SLIT3: variants seen among roughly 807,000 people sequenced by gnomAD.
SLIT3 encodes slit homolog 3 protein.
A neutral mutation model predicts 184.0 loss-of-function variants in SLIT3; 68 were observed. The observed-to-expected ratio is 0.37, with a 90% CI of 0.30 to 0.45. SLIT3 has a LOEUF of 0.45. Among genes scored for constraint, SLIT3 ranks in the 20% least tolerant of loss-of-function variants. The pLI is 1.00. For missense variants in SLIT3, 1,707 were observed against 2,026.0 expected (o/e 0.84, Z 3.02); for synonymous variants, 831 against 828.6 (o/e 1.00, Z -0.05).
In SLIT3 at chr5:168,719,408, T is replaced by C. The variant is rs140965624; in HGVS notation, c.2483+2848A>G. Among the ~76,000 whole-genome samples the C allele has an allele frequency of 4.4e-3, 662 of 150,752 alleles. 5 individuals carry two copies. The highest frequency in any genetic ancestry group is 0.016 in the African/African-American group (631 of 40,092). ...TATAGAAATGACTTTATATAAACAC[T>C]AACTATCACAATTTTTTTCATTTGC... On this transcript the variant is annotated intron_variant, in intron 23 of 35. Transcript: ENST00000519560.
At chr5:169,032,533 G>A (rs988422421) in intron 4 of SLIT3, among the ~76,000 whole-genome samples, 1 of 145,998 alleles carries the variant, frequency 6.8e-6, no homozygotes, top group Non-Finnish European at 1.5e-5. Context: ...CCATATATGT[G>A]TAAATAGTAA....
chr5:169,183,455 C>G (rs1399959380), intron 4 of SLIT3, among the ~76,000 whole-genome samples: 1 of 152,150 alleles, frequency 6.6e-6, no homozygotes, highest in African/African-American at 2.4e-5. Context: ...CTACATGCCT[C>G]CTTTCTTGCA....
At chr5:168,816,341 C>T (rs1757334597) in intron 8 of SLIT3, among the ~76,000 whole-genome samples, 1 of 152,148 alleles carries the variant, frequency 6.6e-6, no homozygotes, top group South Asian at 2.1e-4. Context: ...TGCCCGCCAC[C>T]ACGTCCAGCT....
intron 4 of SLIT3, among the ~76,000 whole-genome samples, chr5:169,083,379 C>G (rs1720227597): frequency 6.6e-6 from 1 of 152,194 alleles, no homozygotes; most frequent in Non-Finnish European, 1.5e-5. Context: ...TCAAAGCACA[C>G]ACACCTGAAA....
chr5:169,042,505 G>A (rs1480566746), intron 4 of SLIT3, among the ~76,000 whole-genome samples: 6 of 152,108 alleles, frequency 3.9e-5, no homozygotes, highest in Admixed American at 6.5e-5. Flanking sequence ...GCTCTCCTAG[G>A]GTTATAATTG....
At chr5:168,935,896 A>C (rs1762144145) in intron 4 of SLIT3, among the ~76,000 whole-genome samples, 1 of 152,220 alleles carries the variant, frequency 6.6e-6, no homozygotes, top group Admixed American at 6.5e-5. Flanking sequence ...ATTCTTTCCA[A>C]GATGGCAAAC....
At chr5:169,185,954 G>C (rs1763319434) in intron 4 of SLIT3, among the ~76,000 whole-genome samples, 2 of 152,256 alleles carry the variant, frequency 1.3e-5, no homozygotes, top group Non-Finnish European at 1.5e-5. Flanking sequence ...AAATCTCTAG[G>C]CCTCTGTTTC....
At chr5:169,234,949 T>G (rs890865037) in intron 3 of SLIT3, among the ~76,000 whole-genome samples, 11 of 152,244 alleles carry the variant, frequency 7.2e-5, no homozygotes, top group African/African-American at 2.7e-4. Flanking sequence ...TCTGATTGAA[T>G]GCTTAAGGAC....
intron 4 of SLIT3, among the ~76,000 whole-genome samples, chr5:169,171,454 G>T (rs570472094): frequency 6.6e-6 from 1 of 152,200 alleles, no homozygotes; most frequent in Non-Finnish European, 1.5e-5. Flanking sequence ...AGTGTCTGTT[G>T]CAAGTTTCCT....
intron 4 of SLIT3, among the ~76,000 whole-genome samples, chr5:169,089,030 AAAAAAAAAAAAAAAAAAAAAAAAAAG>A (rs1246954822): frequency 8.0e-6 from 1 of 125,314 alleles, no homozygotes; most frequent in Non-Finnish European, 1.6e-5. Flanking sequence ...AAAAAAAAAA[AAAAAAAAAAAAAAAAAAAAAAAAAAG>A]AAGTGCTGAC....
intron 6 of SLIT3, among the ~76,000 whole-genome samples, chr5:168,840,327 G>A (rs556219793): frequency 6.6e-6 from 1 of 151,988 alleles, no homozygotes; most frequent in East Asian, 1.9e-4. Flanking sequence ...ATGTCCAAAA[G>A]TATTTTTTAT....
intron 4 of SLIT3, among the ~76,000 whole-genome samples, chr5:169,168,702 C>T (rs1762721310): frequency 6.6e-6 from 1 of 152,186 alleles, no homozygotes; most frequent in Admixed American, 6.5e-5. Flanking sequence ...CCAGATCTGT[C>T]TGGTTTTCAT....
At chr5:168,914,092 G>A (rs1761355639) in intron 4 of SLIT3, among the ~76,000 whole-genome samples, 4 of 152,168 alleles carry the variant, frequency 2.6e-5, no homozygotes, top group Admixed American at 2.6e-4. Flanking sequence ...CCAGTTGAAG[G>A]TTGCTTCCGG....
intron 4 of SLIT3, among the ~76,000 whole-genome samples, chr5:168,976,429 C>A (rs539992856): frequency 6.6e-6 from 1 of 152,290 alleles, no homozygotes; most frequent in South Asian, 2.1e-4. Context: ...TGCTAGAGAG[C>A]CTTTTCAACC....
chr5:169,149,207 C>T lies in SLIT3; in HGVS notation c.413+44272G>A, dbSNP rs532984469. Among the ~76,000 whole-genome samples the T allele has an allele frequency of 2.8e-4, 42 of 152,200 alleles. 1 individual carries two copies. Among genetic ancestry groups the T allele is most frequent in the African/African-American group, 9.6e-4 (40 of 41,520 alleles). ...TGCATGACAAATTAAGAGGAAATGA[C>T]GCTAACAGATTTTATTTGATTGCTT... On this transcript the variant is annotated intron_variant, in intron 4 of 35. Transcript: ENST00000519560.
intron 4 of SLIT3, chr5:169,018,502 G>A (rs966997989): frequency 6.6e-6 from 1 of 152,292 alleles, no homozygotes; most frequent in African/African-American, 2.4e-5. Flanking sequence ...CAGGTGAGAG[G>A]AGGATGCTGG....
At chr5:168,973,163 A>G (rs1754637328) in intron 4 of SLIT3, among the ~76,000 whole-genome samples, 1 of 152,184 alleles carries the variant, frequency 6.6e-6, no homozygotes, top group Non-Finnish European at 1.5e-5. Flanking sequence ...ACAGTTTTCT[A>G]ACTGCTGGCT....
chr5:168,911,026 G>A (rs541498570), intron 4 of SLIT3, among the ~76,000 whole-genome samples: 43 of 152,128 alleles, frequency 2.8e-4, no homozygotes, highest in African/African-American at 8.9e-4. Context: ...TACCAGGTAC[G>A]AAACCAAAAG....
intron 5 of SLIT3, among the ~76,000 whole-genome samples, chr5:168,853,375 C>A (rs1758742114): frequency 6.6e-6 from 1 of 152,152 alleles, no homozygotes; most frequent in African/African-American, 2.4e-5. Flanking sequence ...CTACTTCCAA[C>A]TAATAACCAA....
Sources: allele counts gnomAD v4.1 joint callset (sites outside exome capture counted in the v4.1 genomes callset), GRCh38; gene constraint gnomAD v4.1.1; transcripts MANE v1.5; gene names NCBI Gene and HGNC (gene_info 2026-07-23, HGNC 2026-07-21).